SNX4: variants seen among roughly 807,000 people sequenced by gnomAD.
SNX4 encodes the protein sorting nexin-4.
Under a neutral mutation model 70.8 loss-of-function variants are expected in SNX4, and 49 were observed. The observed-to-expected ratio is 0.69, with a 90% confidence interval of 0.55 to 0.88. The LOEUF (loss-of-function observed/expected upper bound fraction) is 0.88. Among genes scored for constraint, SNX4 ranks in the 40% least tolerant of loss-of-function variants. The pLI is 0.00. For missense variants in SNX4, 528 were observed against 544.8 expected, an observed-to-expected ratio of 0.97 and a Z score of 0.31; for synonymous variants, 206 against 183.8, an observed-to-expected ratio of 1.12 and a Z score of -0.98.
rs1047197581 is a variant in SNX4 at position 125,520,103 on chromosome 3, C to G, written c.70G>C (p.Asp24His). 1 of 1,508,100 alleles carries G rather than the reference C, an allele frequency of 6.6e-7. No individual in the cohort carries two copies. Among genetic ancestry groups the G allele is most frequent in the African/African-American group, 1.5e-5 (1 of 68,212 alleles). 93.4% of individuals were successfully genotyped at this position (1,508,100 alleles called of 1,614,324 possible). A position where few individuals can be genotyped will look rare whatever the true frequency, so the allele number is the denominator to read the frequency against. Residue 24 changes from aspartate (D) to histidine (H), a missense_variant, in exon 1 of 14, where the codon GAC (aspartate) becomes CAC (histidine). Physicochemically the swap from Asp to His is moderately conservative, Grantham distance 81. Coordinates refer to ENST00000251775, the MANE Select transcript of SNX4 (RefSeq NM_003794.4). ...CCGACCGCAGCCCCCAGCCCAGCGT[C>G]TGGGGAGCCCAGCGGCTCCAAGGGC... ...PAPLEPLGSP[D>H]AGLGAAVGKE...
chr3:125,480,868 A>AT (rs984817435), intron 6 of SNX4, among the ~76,000 whole-genome samples: 1 of 151,872 alleles, frequency 6.6e-6, no homozygotes, highest in African/African-American at 2.4e-5. Flanking sequence ...TATCTACATC[A>AT]TTTTTTCCCT....
At chr3:125,506,817 T>TAAAAAAAAAAA (rs71148182) in intron 1 of SNX4, among the ~76,000 whole-genome samples, 2 of 26,834 alleles carry the variant, frequency 7.5e-5, no homozygotes, top group African/African-American at 9.7e-5. Flanking sequence ...GTGGAGAAAG[T>TAAAAAAAAAAA]AAAAAAAAAA....
chr3:125,498,317 T>C (rs1283189569), intron 2 of SNX4, 123 bp from the exon 3 acceptor site: 3 of 955,024 alleles, frequency 3.1e-6, no homozygotes, highest in African/African-American at 3.4e-5. Context: ...TAAAGAACTT[T>C]TCATACATTT....
intron 13 of SNX4, 83 bp downstream of exon 13, chr3:125,451,222 A>C (rs1196745864): frequency 4.3e-6 from 3 of 701,938 alleles, no homozygotes; most frequent in African/African-American, 3.7e-5. Context: ...AAAAATGAAA[A>C]ATTTTTTGGT....
intron 2 of SNX4, among the ~76,000 whole-genome samples, chr3:125,500,065 AAAAC>A (rs1559822986): frequency 6.6e-6 from 1 of 151,940 alleles, no homozygotes; most frequent in African/African-American, 2.4e-5. Context: ...CATCTCAAGA[AAAAC>A]AAACAAACAC....
At chr3:125,503,044 C>T (rs866434375) in intron 2 of SNX4, among the ~76,000 whole-genome samples, 14 of 151,576 alleles carry the variant, frequency 9.2e-5, no homozygotes, top group African/African-American at 2.9e-4. Context: ...CTCAGCCTCC[C>T]GAGTAGCTGG....
At chr3:125,519,970 C>G (rs1424298023) in intron 1 of SNX4, 62 bp downstream of exon 1, 4 of 1,423,718 alleles carry the variant, frequency 2.8e-6, no homozygotes. Context: ...CCCAGCCCAG[C>G]CCAGCCCGGC....
chr3:125,476,136 AG>A (rs1934284267), intron 8 of SNX4, among the ~76,000 whole-genome samples: 1 of 150,860 alleles, frequency 6.6e-6, no homozygotes, highest in Admixed American at 6.6e-5. Flanking sequence ...GTGTGGTGGC[AG>A]GTGTCTGTAA....
In SNX4 at chr3:125,498,210, A is replaced by C; in HGVS notation, c.264-16T>G. ...TTCAACTGACCTGAAAAGGAACAGA[A>C]CAACACTTGTTATTTTTTATAAACA... On this transcript the variant is annotated splice_polypyrimidine_tract_variant and intron_variant, in intron 2 of 13. Transcript: ENST00000251775. The C allele has an allele frequency of 2.5e-6, 4 of 1,598,804 alleles. No individual in the cohort carries two copies. The highest frequency in any genetic ancestry group is 2.6e-6 in the Non-Finnish European group (3 of 1,174,622).
chr3:125,451,913 G>A (rs111806246), intron 12 of SNX4, among the ~76,000 whole-genome samples: 34 of 152,118 alleles, frequency 2.2e-4, no homozygotes, highest in African/African-American at 7.5e-4. Flanking sequence ...AGCGTGAGCC[G>A]CTGCACCTGG....
chr3:125,475,752 G>A (rs902681215), intron 8 of SNX4, among the ~76,000 whole-genome samples: 1 of 152,180 alleles, frequency 6.6e-6, no homozygotes, highest in Admixed American at 6.5e-5. Context: ...CGAAGCCAAT[G>A]GATCACCTGA....
chr3:125,451,012 T>C (rs1396123411), intron 13 of SNX4, among the ~76,000 whole-genome samples: 3 of 152,142 alleles, frequency 2.0e-5, no homozygotes, highest in African/African-American at 7.2e-5. Context: ...GCACCTGTAA[T>C]TGCAGCACTT....
intron 1 of SNX4, among the ~76,000 whole-genome samples, chr3:125,506,836 A>G: frequency 7.3e-6 from 1 of 137,254 alleles, no homozygotes; most frequent in African/African-American, 3.1e-5. Flanking sequence ...AAAAAAAAAA[A>G]AAAAAAAAAA....
intron 5 of SNX4, among the ~76,000 whole-genome samples, chr3:125,491,805 C>T (rs549910153): frequency 3.9e-5 from 6 of 152,020 alleles, no homozygotes; most frequent in Non-Finnish European, 7.4e-5. Flanking sequence ...CTTGGCTGTC[C>T]GTTAAGAATA....
At chr3:125,457,420 T>C (rs1180289841) in intron 10 of SNX4, 55 bp from the exon 11 acceptor site, 1 of 1,340,256 alleles carries the variant, frequency 7.5e-7, no homozygotes, top group African/African-American at 1.4e-5. Context: ...TGTCAAACAT[T>C]TTTTTCAAGG....
At chr3:125,451,661 C>G (rs1295184010) in intron 12 of SNX4, among the ~76,000 whole-genome samples, 1 of 152,060 alleles carries the variant, frequency 6.6e-6, no homozygotes, top group East Asian at 1.9e-4. Context: ...GAGTCTCACT[C>G]TGTTGCCCAG....
chr3:125,469,471 A>G lies in SNX4; in HGVS notation c.837T>C (p.Ala279=), dbSNP rs1421418184. The G allele has an allele frequency of 6.2e-7, 1 of 1,613,480 alleles. No individual in the cohort carries two copies. Among genetic ancestry groups the G allele is most frequent in the Non-Finnish European group, 8.5e-7 (1 of 1,179,538 alleles). Reference sequence around the variant, plus strand: ...GTACTTACACATCCATATGATGACCAGCACTCTGCAGTCCATCACCCATTT... The same window carrying G: ...GTACTTACACATCCATATGATGACCGGCACTCTGCAGTCCATCACCCATTT... ...EKEMGDGLQS[A]GHHMDVYASS... The change falls in exon 9 of 14, where the codon GCT becomes GCC. Residue 279 remains alanine, a synonymous_variant. Transcript: ENST00000251775.
intron 4 of SNX4, 128 bp downstream of exon 4, chr3:125,497,706 G>C (rs1016199186): frequency 3.5e-5 from 23 of 659,970 alleles, no homozygotes; most frequent in Non-Finnish European, 7.3e-6. Context: ...CCATTAATTA[G>C]AAATTCATAA....
At chr3:125,498,379 G>A (rs952821137) in intron 2 of SNX4, among the ~76,000 whole-genome samples, 185 bp from the exon 3 acceptor site, 3 of 152,072 alleles carry the variant, frequency 2.0e-5, no homozygotes, top group Non-Finnish European at 2.9e-5. Context: ...GAGTGCAGTG[G>A]TGCAATCACC....
Sources: allele counts gnomAD v4.1 joint callset (sites outside exome capture counted in the v4.1 genomes callset), GRCh38; gene constraint gnomAD v4.1.1; transcripts MANE v1.5; gene names NCBI Gene and HGNC (gene_info 2026-07-23, HGNC 2026-07-21).